KHDRBS3: variants seen among roughly 807,000 people sequenced by gnomAD.
KHDRBS3 encodes KH RNA binding domain containing, signal transduction associated 3.
A neutral mutation model predicts 45.6 loss-of-function variants in KHDRBS3; 23 were observed. The ratio of observed to expected loss-of-function variants is 0.50; its 90% CI spans 0.36 to 0.72. The LOEUF (loss-of-function observed/expected upper bound fraction) is 0.72, where lower values mean the gene tolerates loss of function less well. Ranked by LOEUF, KHDRBS3 falls within the 30% of genes least tolerant of loss-of-function variation. The pLI is 0.00. For missense variants in KHDRBS3, 352 were observed against 424.8 expected (o/e 0.83, Z 1.51); for synonymous variants, 162 against 156.5 (o/e 1.04, Z -0.26).
At chr8:135,647,827 C>G (rs747046205), downstream of KHDRBS3, 5 of 152,140 alleles carry the variant, frequency 3.3e-5, no homozygotes, top group Non-Finnish European at 7.4e-5. Flanking sequence ...CAAATGGTAT[C>G]GAGCTGCTTG....
chr8:135,489,090 T>A (rs1245515725), intron 1 of KHDRBS3, among the ~76,000 whole-genome samples: 1 of 152,208 alleles, frequency 6.6e-6, no homozygotes, highest in African/African-American at 2.4e-5. Flanking sequence ...TTAGTGTGAT[T>A]AATATTTTTA....
Position 135,585,093 on chromosome 8 carries a change from G to A in KHDRBS3, c.807+3020G>A, listed in dbSNP as rs1828403284. Among the ~76,000 whole-genome samples, 5 of 151,458 alleles carry A rather than the reference G, an allele frequency of 3.3e-5. No homozygotes were observed. The South Asian group carries it at 1.0e-3, about 32-fold the overall frequency. On this transcript the variant is annotated intron_variant, in intron 6 of 8. Transcript: ENST00000355849. ...AAAATACAAAAATTAGCCGGGTGTA[G>A]TGGTGCGCACCTGTAAACCCACCTA... is the stretch of plus-strand genomic sequence containing the variant.
chr8:135,486,376 T>C (rs1195516931), intron 1 of KHDRBS3, among the ~76,000 whole-genome samples: 1 of 152,200 alleles, frequency 6.6e-6, no homozygotes, highest in East Asian at 1.9e-4. Context: ...TCAGTTTGTC[T>C]ACAAGTAGTA....
At chr8:135,644,902 C>T (rs891068383) in intron 7 of KHDRBS3, among the ~76,000 whole-genome samples, 157 bp from the exon 8 acceptor site, 2 of 151,674 alleles carry the variant, frequency 1.3e-5, no homozygotes, top group Non-Finnish European at 2.9e-5. Context: ...AAAGTTGACA[C>T]TTCTGCTTTA....
intron 5 of KHDRBS3, among the ~76,000 whole-genome samples, chr8:135,564,603 T>C (rs1827315071): frequency 6.6e-6 from 1 of 152,144 alleles, no homozygotes. Context: ...CTTTATGATA[T>C]TGTCCTACAG....
At chr8:135,607,140 G>T in intron 7 of KHDRBS3, 103 bp downstream of exon 7, 2 of 810,030 alleles carry the variant, frequency 2.5e-6, no homozygotes, top group Non-Finnish European at 3.9e-6. Flanking sequence ...AGGGTAATTG[G>T]CTTGCCCTGT....
chr8:135,560,670 T>C (rs527808566), intron 5 of KHDRBS3, among the ~76,000 whole-genome samples: 1 of 152,366 alleles, frequency 6.6e-6, no homozygotes, highest in East Asian at 1.9e-4. Context: ...TACCTCCATC[T>C]GCACAGATGA....
intron 5 of KHDRBS3, 119 bp downstream of exon 5, chr8:135,557,706 AC>A: frequency 1.3e-6 from 1 of 756,902 alleles, no homozygotes; most frequent in Non-Finnish European, 2.2e-6. Flanking sequence ...GCATGGTGGC[AC>A]ATGCCTGTAG....
At chr8:135,625,841 A>G (rs1830333531) in intron 7 of KHDRBS3, 1 of 769,558 alleles carries the variant, frequency 1.3e-6, no homozygotes, top group African/African-American at 1.7e-5. Flanking sequence ...GCATGTCCAT[A>G]AACTGACACT....
At chr8:135,633,358 TG>T (rs752230410) in intron 7 of KHDRBS3, among the ~76,000 whole-genome samples, 2 of 152,162 alleles carry the variant, frequency 1.3e-5, no homozygotes, top group African/African-American at 2.4e-5. Flanking sequence ...CACCTCCCAC[TG>T]GGTGATGCAG....
chr8:135,529,643 C>T (rs938523845), intron 2 of KHDRBS3, among the ~76,000 whole-genome samples: 1 of 151,940 alleles, frequency 6.6e-6, no homozygotes, highest in Non-Finnish European at 1.5e-5. Flanking sequence ...TTTCCTGAGC[C>T]AATGAATAAT....
At chr8:135,475,677 A>T (rs1249142025) in intron 1 of KHDRBS3, among the ~76,000 whole-genome samples, 1 of 152,096 alleles carries the variant, frequency 6.6e-6, no homozygotes, top group African/African-American at 2.4e-5. Flanking sequence ...GTGACTTGTC[A>T]TTGTCACATA....
At chr8:135,535,269 ATAGT>A (rs1372830225) in intron 2 of KHDRBS3, among the ~76,000 whole-genome samples, 3 of 139,396 alleles carry the variant, frequency 2.2e-5, no homozygotes, top group Non-Finnish European at 3.1e-5. Context: ...ACTATTATAT[ATAGT>A]TAAACTATAT....
At chr8:135,650,314 C>G (rs990987211), downstream of KHDRBS3, among the ~76,000 whole-genome samples, 5 of 152,210 alleles carry the variant, frequency 3.3e-5, no homozygotes, top group African/African-American at 4.8e-5. Context: ...CCCATGCCCT[C>G]TCTTCCATGA....
At chr8:135,604,925 CTT>C (rs752256918) in intron 6 of KHDRBS3, among the ~76,000 whole-genome samples, 1 of 143,242 alleles carries the variant, frequency 7.0e-6, no homozygotes, top group Non-Finnish European at 1.5e-5. Context: ...AGTTGACAGT[CTT>C]TTTTTTTTTC....
intron 6 of KHDRBS3, among the ~76,000 whole-genome samples, chr8:135,592,534 T>C (rs1828794264): frequency 6.6e-6 from 1 of 152,170 alleles, no homozygotes; most frequent in African/African-American, 2.4e-5. Flanking sequence ...GCCATGTTTG[T>C]TTTACAGTTT....
rs985784695 is a variant in KHDRBS3 at position 135,500,604 on chromosome 8, G to T, written c.89-20633G>T. ...GGAGCTCTGAAGATACTTCCTAGAA[G>T]AAATGAAAAATAAAGCTCAGAAAAC... is the stretch of plus-strand genomic sequence containing the variant. On this transcript the variant is annotated intron_variant, in intron 1 of 8. Coordinates refer to ENST00000355849, the MANE Select transcript of KHDRBS3 (RefSeq NM_006558.3). Among the ~76,000 whole-genome samples, 3 of 152,274 alleles carry T rather than the reference G, an allele frequency of 2.0e-5. No homozygotes were observed. The East Asian group carries it at 5.8e-4, about 29-fold the overall frequency.
intron 1 of KHDRBS3, among the ~76,000 whole-genome samples, chr8:135,470,308 T>A (rs566977054): frequency 7.7e-6 from 1 of 130,462 alleles, no homozygotes; most frequent in African/African-American, 3.2e-5. Context: ...GTTTTACTGG[T>A]TTTTTTTTGT....
chr8:135,502,977 C>G (rs1376929390), intron 1 of KHDRBS3, among the ~76,000 whole-genome samples: 2 of 152,162 alleles, frequency 1.3e-5, no homozygotes, highest in Non-Finnish European at 2.9e-5. Flanking sequence ...AGTCACCTTT[C>G]AAGTGCTCAC....
Sources: allele counts gnomAD v4.1 joint callset (sites outside exome capture counted in the v4.1 genomes callset), GRCh38; gene constraint gnomAD v4.1.1; transcripts MANE v1.5; gene names NCBI Gene and HGNC (gene_info 2026-07-23, HGNC 2026-07-21).